KRT72: variants seen among roughly 807,000 people sequenced by gnomAD.
KRT72 encodes keratin, type II cytoskeletal 72.
Under a neutral mutation model 44.7 loss-of-function variants are expected in KRT72, and 44 were observed. The ratio of observed to expected loss-of-function variants is 0.98; its 90% CI spans 0.77 to 1.27. The LOEUF (loss-of-function observed/expected upper bound fraction) is 1.27, where lower values mean the gene tolerates loss of function less well. KRT72 is among the 50% of genes most tolerant of loss of function. KRT72 has a pLI of 0.00. For missense variants in KRT72, 736 were observed against 667.1 expected (o/e 1.10, Z -1.14); for synonymous variants, 302 against 280.4 (o/e 1.08, Z -0.77).
At chr12:52,601,000 G>A in intron 1 of KRT72, 27 bp downstream of exon 1, 1 of 1,607,286 alleles carries the variant, frequency 6.2e-7, no homozygotes, top group South Asian at 1.1e-5. Context: ...GCCCAACGCA[G>A]GGACAGGCCA....
chr12:52,589,044 A>G (rs770431262), intron 6 of KRT72, among the ~76,000 whole-genome samples: 1 of 152,118 alleles, frequency 6.6e-6, no homozygotes, highest in Non-Finnish European at 1.5e-5. Context: ...TAAAGAAGAT[A>G]GCTTTGCATA....
chr12:52,596,909 T>C (rs1310745335), intron 2 of KRT72, among the ~76,000 whole-genome samples: 1 of 152,136 alleles, frequency 6.6e-6, no homozygotes. Flanking sequence ...CTTAGAGGCA[T>C]AAAAATATAT....
chr12:52,599,159 T>C, intron 1 of KRT72, 47 bp from the exon 2 acceptor site: 3 of 1,590,422 alleles, frequency 1.9e-6, no homozygotes, highest in Non-Finnish European at 2.6e-6. Flanking sequence ...TGTTGTTGCC[T>C]CTCAAGAGTG....
At chr12:52,594,175 T>C (rs1228451046) in intron 2 of KRT72, among the ~76,000 whole-genome samples, 1 of 152,182 alleles carries the variant, frequency 6.6e-6, no homozygotes, top group Non-Finnish European at 1.5e-5. Flanking sequence ...GGAAGCCCCC[T>C]CCTCAAAAAG....
intron 2 of KRT72, 100 bp downstream of exon 2, chr12:52,598,798 C>T (rs779752090): frequency 1.9e-5 from 18 of 957,716 alleles, no homozygotes; most frequent in African/African-American, 3.2e-5. Context: ...CTCCCTCCCC[C>T]GGTATCAGCA....
chr12:52,600,933 C>T (rs957319851), intron 1 of KRT72, 94 bp downstream of exon 1: 3 of 1,382,432 alleles, frequency 2.2e-6, no homozygotes, highest in African/African-American at 2.9e-5. Context: ...AGGTTATGAC[C>T]CGCCCACGCT....
At chr12:52,602,250 G>A (rs977399134), upstream of KRT72, among the ~76,000 whole-genome samples, 1 of 152,154 alleles carries the variant, frequency 6.6e-6, no homozygotes, top group African/African-American at 2.4e-5. Context: ...TAAGGCTTTC[G>A]GTTGTTTTCA....
At chr12:52,590,736 C>G in intron 6 of KRT72, 100 bp downstream of exon 6, 1 of 1,167,786 alleles carries the variant, frequency 8.6e-7, no homozygotes, top group Non-Finnish European at 1.2e-6. Flanking sequence ...TTAGAGGAGG[C>G]CCTAAGGAGG....
chr12:52,596,698 A>T, intron 2 of KRT72, among the ~76,000 whole-genome samples: 1 of 151,892 alleles, frequency 6.6e-6, no homozygotes, highest in East Asian at 1.9e-4. Flanking sequence ...ACACAGACGC[A>T]CGCCACCATG....
intron 2 of KRT72, 50 bp downstream of exon 2, chr12:52,598,848 C>T: frequency 2.6e-6 from 4 of 1,564,084 alleles, no homozygotes; most frequent in South Asian, 2.2e-5. Context: ...AAACGAAAAC[C>T]TCATTTGAAA....
chr12:52,594,837 G>C (rs1226743905), intron 2 of KRT72, among the ~76,000 whole-genome samples: 1 of 152,184 alleles, frequency 6.6e-6, no homozygotes, highest in African/African-American at 2.4e-5. Flanking sequence ...TGTTTTCTGA[G>C]GCTGCAGATC....
intron 2 of KRT72, 103 bp downstream of exon 2, chr12:52,598,795 C>G: frequency 1.1e-6 from 1 of 934,228 alleles, no homozygotes; most frequent in Non-Finnish European, 1.7e-6. Context: ...TTCCTCCCTC[C>G]CCCGGTATCA....
chr12:52,601,387 G>C lies in KRT72; in HGVS notation c.66C>G (p.Val22=). 6.5e-7 allele frequency: 1 copy of C among 1,542,418 alleles called. No homozygotes were observed. The highest frequency in any genetic ancestry group is 1.4e-5 in the African/African-American group (1 of 73,270). Residue 22 remains valine (V), a synonymous_variant, in exon 1 of 9, where the codon GTC becomes GTG. Coordinates refer to ENST00000293745, the MANE Select transcript of KRT72 (RefSeq NM_080747.3). ...AGCTGCTGCCGATCCCGCCAGAGAGGACCGCGGAGCAACCGCTGAAGCCCA... is the reference window on the plus strand; with the variant it reads ...AGCTGCTGCCGATCCCGCCAGAGAGCACCGCGGAGCAACCGCTGAAGCCCA... ...ERLGFSGCSA[V]LSGGIGSSSA...
chr12:52,586,699 A>C (rs942088403), intron 8 of KRT72, among the ~76,000 whole-genome samples: 10 of 152,222 alleles, frequency 6.6e-5, no homozygotes, highest in Non-Finnish European at 1.3e-4. Context: ...ACAATTAAGC[A>C]TCAATCGTTG....
At chr12:52,596,382 C>G (rs1007914812) in intron 2 of KRT72, among the ~76,000 whole-genome samples, 1 of 152,116 alleles carries the variant, frequency 6.6e-6, no homozygotes, top group Non-Finnish European at 1.5e-5. Flanking sequence ...AGAAAAAAAT[C>G]TGCCCCATTC....
At position 52,592,492 on chromosome 12, in the gene KRT72, C is replaced by T; in HGVS notation, c.703-1G>A. On this transcript the variant is annotated splice_acceptor_variant, in intron 3 of 8. Transcript: ENST00000293745. LOFTEE classifies it high-confidence loss of function. ...TATTCATGTAAGCAGCATCCACGTC[C>T]TGGGAGCACATGATAGTCAAGCCGC... 6.2e-7 allele frequency: 1 copy of T among 1,613,492 alleles called. No individual in the cohort carries two copies. The highest frequency in any genetic ancestry group is 8.5e-7 in the Non-Finnish European group (1 of 1,179,576).
intron 2 of KRT72, among the ~76,000 whole-genome samples, chr12:52,594,691 G>A (rs557524143): frequency 3.3e-5 from 5 of 152,272 alleles, no homozygotes; most frequent in Admixed American, 1.3e-4. Context: ...CACAGCACAT[G>A]TATACATATG....
chr12:52,587,626 C>T lies in KRT72; in HGVS notation c.1310+5G>A. On this transcript the variant is annotated splice_donor_5th_base_variant and intron_variant, in intron 7 of 8. Coordinates refer to ENST00000293745, the MANE Select transcript of KRT72 (RefSeq NM_080747.3). Reference sequence around the variant, plus strand: ...GTCCCGACACAAGGGTATCCGGCCCCTCACCTGCACTCCTCGCTCTCCAGC... The same window carrying T: ...GTCCCGACACAAGGGTATCCGGCCCTTCACCTGCACTCCTCGCTCTCCAGC... 6.2e-7 allele frequency: 1 copy of T among 1,614,140 alleles called. No individual in the cohort carries two copies. Among genetic ancestry groups the T allele is most frequent in the Non-Finnish European group, 8.5e-7 (1 of 1,179,976 alleles).
At position 52,591,833 on chromosome 12, in the gene KRT72, C is replaced by T. The variant is rs146344377; in HGVS notation, c.799-205G>A. ...CTGAGACTCCTCTCTCCATTGCACA[C>T]TCAGGAGCACTCCTGCACCCTTCTA... On this transcript the variant is annotated intron_variant, in intron 4 of 8. Transcript: ENST00000293745. Among the ~76,000 whole-genome samples the T allele has an allele frequency of 2.4e-3, 363 of 152,278 alleles. 4 individuals carry two copies. Among genetic ancestry groups the T allele is most frequent in the Admixed American group, 0.02 (311 of 15,310 alleles).
Sources: allele counts gnomAD v4.1 joint callset (sites outside exome capture counted in the v4.1 genomes callset), GRCh38; gene constraint gnomAD v4.1.1; transcripts MANE v1.5; gene names NCBI Gene and HGNC (gene_info 2026-07-23, HGNC 2026-07-21).